CORO2B: variants seen among roughly 807,000 people sequenced by gnomAD.
The protein encoded by CORO2B is coronin 2B, also known as coronin-2B.
CORO2B carries 26 observed loss-of-function variants against 58.8 expected under a neutral mutation model. The observed-to-expected ratio is 0.44, with a 90% confidence interval of 0.32 to 0.61. The LOEUF (loss-of-function observed/expected upper bound fraction) is 0.61. CORO2B is among the 20% of genes least tolerant of loss of function. The probability of loss-of-function intolerance (pLI) is 0.04; values close to 1 mark genes in which losing one functional copy is unlikely to be tolerated. For synonymous variants in CORO2B, 242 were observed against 253.8 expected (o/e 0.95, Z 0.44); for missense variants, 460 against 645.1 (o/e 0.71, Z 3.11).
At chr15:68,634,487 A>G (rs1212915530) in intron 1 of CORO2B, among the ~76,000 whole-genome samples, 2 of 152,150 alleles carry the variant, frequency 1.3e-5, no homozygotes, top group Non-Finnish European at 1.5e-5. Flanking sequence ...TATGAATTAT[A>G]TCCATTTTTC....
chr15:68,631,179 C>T (rs1358562941), intron 1 of CORO2B, among the ~76,000 whole-genome samples: 1 of 152,166 alleles, frequency 6.6e-6, no homozygotes, highest in Non-Finnish European at 1.5e-5. Context: ...TGGCCGGGTT[C>T]TGCAGTGGTG....
chr15:68,533,790 A>C, the CORO2B span, among the ~76,000 whole-genome samples: 3 of 152,238 alleles, frequency 2.0e-5, no homozygotes, highest in Non-Finnish European at 4.4e-5. Context: ...AGAGTATAGA[A>C]TATTCAACTG....
At chr15:68,563,217 A>G in the CORO2B span, among the ~76,000 whole-genome samples, 1 of 151,368 alleles carries the variant, frequency 6.6e-6, no homozygotes, top group Non-Finnish European at 1.5e-5. Context: ...GCCAGGCACC[A>G]TGGCTCACAC....
the CORO2B span, among the ~76,000 whole-genome samples, chr15:68,554,581 G>A: frequency 7.2e-5 from 11 of 152,150 alleles, no homozygotes; most frequent in Admixed American, 1.3e-4. Flanking sequence ...CTCATGTGCC[G>A]AGTAACAGCC....
chr15:68,636,233 G>T (rs1348104548), intron 1 of CORO2B, among the ~76,000 whole-genome samples: 1 of 152,196 alleles, frequency 6.6e-6, no homozygotes, highest in Non-Finnish European at 1.5e-5. Context: ...GGAATCTGGG[G>T]GCCTCAGAAG....
intron 2 of CORO2B, among the ~76,000 whole-genome samples, chr15:68,648,658 GAA>G (rs1422479870): frequency 6.6e-6 from 1 of 151,974 alleles, no homozygotes; most frequent in Non-Finnish European, 1.5e-5. Context: ...TCAAAAAAAA[GAA>G]AGAGAGAGAA....
intron 1 of CORO2B, among the ~76,000 whole-genome samples, chr15:68,593,161 C>T (rs1899746144): frequency 6.6e-6 from 1 of 152,208 alleles, no homozygotes; most frequent in Non-Finnish European, 1.5e-5. Flanking sequence ...GCAGAGCTCT[C>T]ATGACTTAAT....
At position 68,694,967 on chromosome 15, in the gene CORO2B, G is replaced by A. The variant is rs185238069; in HGVS notation, c.217-173G>A. Among the ~76,000 whole-genome samples, 17 of 152,296 alleles carry A rather than the reference G, an allele frequency of 1.1e-4. No individual in the cohort carries two copies. In the East Asian group the frequency reaches 2.9e-3, roughly 26 times the overall value. ...GGGGAGGACACAGCTGCAGAGCAGTGTGGCCCAGACTGACTTGGCCCAGCA... is the reference window on the plus strand; with the variant it reads ...GGGGAGGACACAGCTGCAGAGCAGTATGGCCCAGACTGACTTGGCCCAGCA... On this transcript the variant is annotated intron_variant, in intron 2 of 11. Coordinates refer to ENST00000261861, the MANE Select transcript of CORO2B (RefSeq NM_006091.5).
intron 1 of CORO2B, 85 bp downstream of exon 1, chr15:68,579,362 T>C: frequency 8.6e-7 from 1 of 1,159,670 alleles, no homozygotes; most frequent in Non-Finnish European, 1.1e-6. Flanking sequence ...GGGGTGTGGG[T>C]GTGGGGAGGG....
chr15:68,698,872 C>T (rs571306983), intron 3 of CORO2B, among the ~76,000 whole-genome samples: 85 of 152,256 alleles, frequency 5.6e-4, no homozygotes, highest in Admixed American at 5.5e-3. Flanking sequence ...GGGCAGGGCC[C>T]ACCCCACCCA....
intron 1 of CORO2B, among the ~76,000 whole-genome samples, chr15:68,632,883 C>T (rs1900889610): frequency 1.3e-5 from 2 of 152,244 alleles, no homozygotes; most frequent in Non-Finnish European, 1.5e-5. Context: ...TGAGCCACCA[C>T]ACCCGGCCAA....
chr15:68,691,060 T>G (rs976489838), intron 2 of CORO2B, among the ~76,000 whole-genome samples: 6 of 151,110 alleles, frequency 4.0e-5, no homozygotes, highest in Non-Finnish European at 1.5e-5. Flanking sequence ...CCAGGTGCGG[T>G]GGCTCACGCC....
intron 2 of CORO2B, among the ~76,000 whole-genome samples, chr15:68,669,953 A>G (rs1902331526): frequency 6.6e-6 from 1 of 151,340 alleles, no homozygotes; most frequent in South Asian, 2.1e-4. Context: ...GCTACTCAGG[A>G]GGCTGAGGCA....
the CORO2B span, among the ~76,000 whole-genome samples, chr15:68,536,411 TA>T: frequency 6.6e-6 from 1 of 152,232 alleles, no homozygotes; most frequent in African/African-American, 2.4e-5. Flanking sequence ...AATCTTGGCC[TA>T]AAAAACTGCT....
the CORO2B span, among the ~76,000 whole-genome samples, chr15:68,527,536 T>A: frequency 6.6e-6 from 1 of 152,190 alleles, no homozygotes; most frequent in Admixed American, 6.5e-5. Flanking sequence ...TGTGACTAAT[T>A]TGATGCCAGT....
chr15:68,557,381 T>C, the CORO2B span, among the ~76,000 whole-genome samples: 1 of 151,936 alleles, frequency 6.6e-6, no homozygotes, highest in East Asian at 1.9e-4. Context: ...AGAGCTGAGG[T>C]TCAGTGGCCA....
chr15:68,633,553 C>T (rs1900926801), intron 1 of CORO2B, among the ~76,000 whole-genome samples: 1 of 78,932 alleles, frequency 1.3e-5, no homozygotes, highest in Non-Finnish European at 2.8e-5. Context: ...ACACTCACTC[C>T]TTGGGGACAG....
the CORO2B span, among the ~76,000 whole-genome samples, chr15:68,549,293 T>C: frequency 6.6e-6 from 1 of 152,230 alleles, no homozygotes; most frequent in East Asian, 1.9e-4. Flanking sequence ...CTTTGAGAAT[T>C]TGCTTTAGCA....
intron 3 of CORO2B, among the ~76,000 whole-genome samples, chr15:68,708,125 G>T (rs796354199): frequency 6.6e-5 from 10 of 152,222 alleles, no homozygotes; most frequent in African/African-American, 2.4e-4. Context: ...TGCACCCAAG[G>T]GTGACCCCAA....
Sources: allele counts gnomAD v4.1 joint callset (sites outside exome capture counted in the v4.1 genomes callset), GRCh38; gene constraint gnomAD v4.1.1; transcripts MANE v1.5; gene names NCBI Gene and HGNC (gene_info 2026-07-23, HGNC 2026-07-21).